Variants in INTS6L observed in about 807,000 individuals in gnomAD.
INTS6L encodes integrator complex subunit 6 like, also known as integrator complex subunit 6-like.
Under a neutral mutation model 64.7 loss-of-function variants are expected in INTS6L, and 18 were observed. That is an observed-to-expected ratio of 0.28 (90% CI 0.19 to 0.41). The LOEUF (loss-of-function observed/expected upper bound fraction) is 0.41. Ranked by LOEUF, INTS6L falls within the 10% of genes least tolerant of loss-of-function variation. The pLI is 1.00. For synonymous variants in INTS6L, 227 were observed against 235.9 expected, an observed-to-expected ratio of 0.96 and a Z score of 0.34; for missense variants, 533 against 661.0, an observed-to-expected ratio of 0.81 and a Z score of 2.12.
chrX:135,581,648 G>A lies in INTS6L; in HGVS notation c.*12G>A, dbSNP rs1556534648. On this transcript the variant is annotated 3_prime_UTR_variant, in exon 18 of 18. Transcript: ENST00000639893. ...GATCATCATGTTAGTGCAAAGACCA[G>A]TGAGAAAAAAATGACAAGTTTTCTG... The A allele has an allele frequency of 3.4e-6, 4 of 1,181,332 alleles. No individual in the cohort carries two copies. Among genetic ancestry groups the A allele is most frequent in the Non-Finnish European group, 4.6e-6 (4 of 869,575 alleles).
At chrX:135,567,716 T>C (rs1556525458) in intron 9 of INTS6L, among the ~76,000 whole-genome samples, 1 of 112,076 alleles carries the variant, frequency 8.9e-6, no homozygotes, top group African/African-American at 3.2e-5. Flanking sequence ...TAACAGGATA[T>C]ATCCATGGTC....
chrX:135,545,380 C>G, intron 2 of INTS6L, 43 bp from the exon 3 acceptor site: 2 of 1,192,674 alleles, frequency 1.7e-6, no homozygotes, highest in Non-Finnish European at 2.3e-6. Flanking sequence ...ATATATTGTT[C>G]ATTGTATAAT....
intron 8 of INTS6L, among the ~76,000 whole-genome samples, chrX:135,553,469 C>A (rs2086556161): frequency 9.6e-6 from 1 of 104,127 alleles, no homozygotes; most frequent in Non-Finnish European, 2.0e-5. Flanking sequence ...CAATTCCTGG[C>A]TAATTTTTTA....
At chrX:135,523,402 C>CAAAAA (rs782434658) in intron 2 of INTS6L, among the ~76,000 whole-genome samples, 13 of 36,887 alleles carry the variant, frequency 3.5e-4, no homozygotes, top group Admixed American at 1.0e-3. Flanking sequence ...ACTCTGTCGT[C>CAAAAA]AAAAAAAAAA....
intron 2 of INTS6L, among the ~76,000 whole-genome samples, chrX:135,530,277 T>C (rs2085870317): frequency 8.9e-6 from 1 of 111,954 alleles, no homozygotes; most frequent in South Asian, 3.7e-4. Context: ...TAAAACACTT[T>C]TGCCTTTGAT....
At chrX:135,547,904 A>T (rs1358816871) in intron 6 of INTS6L, among the ~76,000 whole-genome samples, 1 of 111,509 alleles carries the variant, frequency 9.0e-6, no homozygotes, top group Non-Finnish European at 1.9e-5. Context: ...GATGTTTGTA[A>T]TCACTTGAAT....
chrX:135,549,111 C>G (rs1484232425), intron 6 of INTS6L, among the ~76,000 whole-genome samples: 1 of 111,916 alleles, frequency 8.9e-6, no homozygotes, highest in African/African-American at 3.2e-5. Flanking sequence ...GTGAATTTGG[C>G]TAGTTTTTAT....
At chrX:135,577,112 A>G in intron 14 of INTS6L, 81 bp from the exon 15 acceptor site, 1 of 859,036 alleles carries the variant, frequency 1.2e-6, no homozygotes, top group East Asian at 3.1e-5. Context: ...TTGATTATGT[A>G]TGCATATTAA....
intron 2 of INTS6L, among the ~76,000 whole-genome samples, 200 bp from the exon 3 acceptor site, chrX:135,545,223 C>A (rs1556514489): frequency 8.9e-6 from 1 of 112,075 alleles, no homozygotes; most frequent in East Asian, 2.8e-4. Context: ...TGCTTCAGTT[C>A]TTTGCGCTTG....
chrX:135,549,661 C>T lies in INTS6L; in HGVS notation c.762C>T (p.Ser254=). 8.3e-7 allele frequency: 1 copy of T among 1,211,099 alleles called. No individual in the cohort carries two copies. Among genetic ancestry groups the T allele is most frequent in the Non-Finnish European group, 1.1e-6 (1 of 895,130 alleles). The change falls in exon 7 of 18, where the codon TCC becomes TCT. Residue 254 remains serine, a synonymous_variant. Coordinates refer to ENST00000639893, the MANE Select transcript of INTS6L (RefSeq NM_001351601.3). ...TTTTAGATGGACTTATGGATTCATC[C>T]AGGCCAAGCAATTCATTTGCTGCTC... ...PIGEDGLMDS[S]RPSNSFAAQP...
intron 9 of INTS6L, among the ~76,000 whole-genome samples, chrX:135,560,809 A>C (rs1434642930): frequency 9.2e-6 from 1 of 109,138 alleles, no homozygotes; most frequent in Non-Finnish European, 1.9e-5. Context: ...GTGCCACTGC[A>C]CTCCAGCCTG....
In INTS6L at chrX:135,548,441, C is replaced by T. The variant is rs782101496; in HGVS notation, c.742+1176C>T. On this transcript the variant is annotated intron_variant, in intron 6 of 17. Transcript: ENST00000639893. ...ATTTTAAATTAACTGTGTAGGAAGG[C>T]CATGTTATACTGCTAGCAATCCAAA... Among the ~76,000 whole-genome samples, 13 of 111,732 alleles carry T rather than the reference C, an allele frequency of 1.2e-4. No homozygotes were observed. In the South Asian group the frequency reaches 4.1e-3, roughly 35 times the overall value.
intron 2 of INTS6L, among the ~76,000 whole-genome samples, chrX:135,529,466 C>T (rs2085843382): frequency 9.0e-6 from 1 of 111,661 alleles, no homozygotes; most frequent in African/African-American, 3.3e-5. Context: ...TTCTGACAGT[C>T]GTTAACTTTC....
At chrX:135,547,020 T>C (rs1251696812) in intron 5 of INTS6L, 117 bp from the exon 6 acceptor site, 1 of 1,098,040 alleles carries the variant, frequency 9.1e-7, no homozygotes, top group Non-Finnish European at 1.2e-6. Flanking sequence ...ATCATTGGTA[T>C]ATTTGCTGCC....
At chrX:135,562,711 C>T (rs1385815385) in intron 9 of INTS6L, among the ~76,000 whole-genome samples, 1 of 112,195 alleles carries the variant, frequency 8.9e-6, no homozygotes, top group Non-Finnish European at 1.9e-5. Flanking sequence ...ATGGTGTATT[C>T]TTCCTTGATT....
intron 2 of INTS6L, among the ~76,000 whole-genome samples, chrX:135,521,543 C>T (rs2085556410): frequency 9.0e-6 from 1 of 110,725 alleles, no homozygotes; most frequent in Admixed American, 9.4e-5. Flanking sequence ...GGGGAGAAAC[C>T]GCAGGAGGGC....
chrX:135,568,837 C>T (rs1476588223), intron 9 of INTS6L, among the ~76,000 whole-genome samples: 1 of 111,911 alleles, frequency 8.9e-6, no homozygotes, highest in Non-Finnish European at 1.9e-5. Context: ...TGAGCCACTG[C>T]GCCTGGCCCA....
At chrX:135,539,214 G>T (rs1382735969) in intron 2 of INTS6L, among the ~76,000 whole-genome samples, 1 of 112,528 alleles carries the variant, frequency 8.9e-6, no homozygotes, top group Non-Finnish European at 1.9e-5. Flanking sequence ...AAAATCTGTT[G>T]TTTAGTGTAG....
At position 135,567,767 on chromosome X, in the gene INTS6L, C is replaced by T. The variant is rs190304347; in HGVS notation, c.1193-1570C>T. Among the ~76,000 whole-genome samples, 114 of 111,964 alleles carry T rather than the reference C, an allele frequency of 1.0e-3. 1 individual carries two copies. Among genetic ancestry groups the T allele is most frequent in the African/African-American group, 3.7e-3 (113 of 30,862 alleles). The stretch of plus-strand genomic sequence containing the variant: ...TCAAGATATGAATGGTCTTTAAAGG[C>T]CCCACTTGCTGCAATGAACCAGAAA... On this transcript the variant is annotated intron_variant, in intron 9 of 17. Coordinates refer to ENST00000639893, the MANE Select transcript of INTS6L (RefSeq NM_001351601.3).
Sources: gnomAD v4.1 joint callset for allele counts (sites outside exome capture counted in the v4.1 genomes callset) on GRCh38, gnomAD v4.1.1 for gene constraint, MANE v1.5 for transcripts, NCBI Gene and HGNC (gene_info 2026-07-23, HGNC 2026-07-21) for gene names.